PLEKHA5: variants seen among roughly 807,000 people sequenced by gnomAD.
PLEKHA5 encodes the protein pleckstrin homology domain containing A5, also known as pleckstrin homology domain-containing family A member 5.
In PLEKHA5, 55 loss-of-function variants were observed where a neutral mutation model predicts 181.9. The observed-to-expected ratio is 0.30, with a 90% CI of 0.24 to 0.38. The LOEUF is 0.38. Among genes scored for constraint, PLEKHA5 ranks in the 10% least tolerant of loss-of-function variants. The pLI, the probability that PLEKHA5 is intolerant of heterozygous loss-of-function variation, is 1.00. For missense variants in PLEKHA5, 1,432 were observed against 1,549.5 expected, an observed-to-expected ratio of 0.92 and a Z score of 1.27; for synonymous variants, 535 against 529.4, an observed-to-expected ratio of 1.01 and a Z score of -0.15.
chr12:19,181,337 G>T (rs2048522961), intron 3 of PLEKHA5, among the ~76,000 whole-genome samples: 1 of 152,156 alleles, frequency 6.6e-6, no homozygotes, highest in African/African-American at 2.4e-5. Flanking sequence ...TAAAGTTTTT[G>T]AAATCTCTTG....
intron 3 of PLEKHA5, among the ~76,000 whole-genome samples, chr12:19,228,509 C>G (rs1271817180): frequency 2.0e-5 from 3 of 152,142 alleles, no homozygotes; most frequent in African/African-American, 7.2e-5. Flanking sequence ...ATGTCAGACA[C>G]TATTGTTGTA....
chr12:19,350,158 T>C (rs1002900511), intron 25 of PLEKHA5, among the ~76,000 whole-genome samples: 9 of 152,168 alleles, frequency 5.9e-5, no homozygotes, highest in Non-Finnish European at 4.4e-5. Context: ...TGAAACTTGA[T>C]TGGACCATGG....
intron 3 of PLEKHA5, among the ~76,000 whole-genome samples, chr12:19,235,223 A>G (rs2061234843): frequency 6.6e-6 from 1 of 152,162 alleles, no homozygotes; most frequent in Non-Finnish European, 1.5e-5. Flanking sequence ...TCAACTTGAG[A>G]TGCTATTTTT....
intron 3 of PLEKHA5, among the ~76,000 whole-genome samples, chr12:19,158,294 A>C (rs371294045): frequency 2.0e-5 from 3 of 152,132 alleles, no homozygotes; most frequent in East Asian, 3.9e-4. Context: ...TGGAGCTTGC[A>C]GTGAGCCGAG....
chr12:19,178,108 C>T (rs900866114), intron 3 of PLEKHA5, among the ~76,000 whole-genome samples: 4 of 152,170 alleles, frequency 2.6e-5, no homozygotes. Flanking sequence ...AGCACTCACC[C>T]CCACCCACGT....
At position 19,283,696 on chromosome 12, in the gene PLEKHA5, A is replaced by C; in HGVS notation, c.1730A>C (p.Gln577Pro). 6.2e-7 allele frequency: 1 copy of C among 1,614,094 alleles called. No homozygotes were observed. The highest frequency in any genetic ancestry group is 8.5e-7 in the Non-Finnish European group (1 of 1,179,984). ...AGATCGGAAGTGTCTTCACCAATTC[A>C]GAGAGGAGATGTGACAATAGACCGC... is the stretch of plus-strand genomic sequence containing the variant. ...TYRSEVSSPI[Q>P]RGDVTIDRRH... is the part of the protein sequence containing the mutation. Residue 577 changes from glutamine to proline, a missense_variant, in exon 12 of 32, where the codon CAG (glutamine) becomes CCG (proline). Coordinates refer to ENST00000429027, the MANE Select transcript of PLEKHA5 (RefSeq NM_001256470.2).
intron 15 of PLEKHA5, among the ~76,000 whole-genome samples, chr12:19,308,434 A>T (rs540690340): frequency 1.3e-5 from 2 of 152,316 alleles, no homozygotes; most frequent in East Asian, 3.9e-4. Context: ...GATGTAAGCA[A>T]TTCTTGTCAT....
chr12:19,298,147 C>T (rs952557092), intron 15 of PLEKHA5, among the ~76,000 whole-genome samples: 6 of 151,838 alleles, frequency 4.0e-5, no homozygotes, highest in Admixed American at 2.6e-4. Context: ...TGCAGTGAAC[C>T]GAGATCGCAC....
At chr12:19,201,120 C>T (rs1475989208) in intron 3 of PLEKHA5, 4 of 151,934 alleles carry the variant, frequency 2.6e-5, no homozygotes, top group Non-Finnish European at 5.9e-5. Context: ...AACTCATATC[C>T]AGAATTTTTA....
intron 11 of PLEKHA5, among the ~76,000 whole-genome samples, chr12:19,277,789 G>GT (rs1406898146): frequency 6.7e-6 from 1 of 148,972 alleles, no homozygotes; most frequent in Non-Finnish European, 1.5e-5. Flanking sequence ...AAAGAAAAAG[G>GT]TTTAATATTT....
At chr12:19,208,417 A>AG (rs2056159364) in intron 3 of PLEKHA5, among the ~76,000 whole-genome samples, 1 of 92,812 alleles carries the variant, frequency 1.1e-5, no homozygotes, top group Non-Finnish European at 3.1e-5. Flanking sequence ...CAAAAAAAAA[A>AG]AAAAGTTCAT....
At chr12:19,311,613 T>A (rs2086595024) in intron 15 of PLEKHA5, among the ~76,000 whole-genome samples, 1 of 152,200 alleles carries the variant, frequency 6.6e-6, no homozygotes, top group Non-Finnish European at 1.5e-5. Flanking sequence ...TGCTCATCCA[T>A]AAGATGCAGT....
chr12:19,369,309 A>G, intron 30 of PLEKHA5, among the ~76,000 whole-genome samples: 1 of 149,978 alleles, frequency 6.7e-6, no homozygotes, highest in South Asian at 2.1e-4. Context: ...TGGTGGGATT[A>G]CAGACATGAG....
intron 3 of PLEKHA5, among the ~76,000 whole-genome samples, chr12:19,211,725 C>G (rs1015324154): frequency 1.3e-5 from 2 of 152,058 alleles, no homozygotes; most frequent in African/African-American, 4.8e-5. Flanking sequence ...GAGACCTCAT[C>G]CTATAAAACA....
chr12:19,161,959 A>T (rs972922908), intron 3 of PLEKHA5, among the ~76,000 whole-genome samples: 10 of 152,338 alleles, frequency 6.6e-5, no homozygotes, highest in African/African-American at 2.2e-4. Context: ...CTCTTTTTAA[A>T]GCGGGTATCT....
chr12:19,270,360 A>C (rs1462579984), intron 10 of PLEKHA5, among the ~76,000 whole-genome samples, 155 bp downstream of exon 10: 1 of 152,140 alleles, frequency 6.6e-6, no homozygotes, highest in African/African-American at 2.4e-5. Context: ...AAGTGTGATG[A>C]ATTACAGTAA....
intron 20 of PLEKHA5, among the ~76,000 whole-genome samples, chr12:19,325,205 A>G (rs1308367012): frequency 6.6e-6 from 1 of 151,348 alleles, no homozygotes; most frequent in African/African-American, 2.4e-5. Flanking sequence ...CAAACTGGGC[A>G]ATTTAGGGAG....
At chr12:19,251,252 A>C (rs1388281403) in intron 3 of PLEKHA5, among the ~76,000 whole-genome samples, 1 of 151,916 alleles carries the variant, frequency 6.6e-6, no homozygotes, top group African/African-American at 2.4e-5. Context: ...TAAAAATGGA[A>C]AAAATTAGCC....
In PLEKHA5 at chr12:19,168,986, A is replaced by C. The variant is rs986015251; in HGVS notation, c.227+36536A>C. Among the ~76,000 whole-genome samples the C allele has an allele frequency of 7.2e-5, 11 of 152,322 alleles. No homozygotes were observed. The East Asian group carries it at 1.5e-3, about 21-fold the overall frequency. On this transcript the variant is annotated intron_variant, in intron 3 of 31. Coordinates refer to ENST00000429027, the MANE Select transcript of PLEKHA5 (RefSeq NM_001256470.2). ...TTAATCACCTGCCATGCAGGATTAGAATAATATTCTTTAAGCTACTGGCAC... is the reference window on the plus strand; with the variant it reads ...TTAATCACCTGCCATGCAGGATTAGCATAATATTCTTTAAGCTACTGGCAC...
Sources: gnomAD v4.1 joint callset for allele counts (sites outside exome capture counted in the v4.1 genomes callset) on GRCh38, gnomAD v4.1.1 for gene constraint, MANE v1.5 for transcripts, NCBI Gene and HGNC (gene_info 2026-07-23, HGNC 2026-07-21) for gene names.